CAPZB: variants seen among roughly 807,000 people sequenced by gnomAD.
The protein encoded by CAPZB is F-actin-capping protein subunit beta.
CAPZB carries 2 observed loss-of-function variants against 38.1 expected under a neutral mutation model. That is an observed-to-expected ratio of 0.05 (90% CI 0.02 to 0.17). The LOEUF is 0.17. Among genes scored for constraint, CAPZB ranks in the 10% least tolerant of loss-of-function variants. CAPZB has a pLI of 1.00. For synonymous variants in CAPZB, 107 were observed against 127.4 expected, an observed-to-expected ratio of 0.84 and a Z score of 1.08; for missense variants, 161 against 334.2, an observed-to-expected ratio of 0.48 and a Z score of 4.04.
At chr1:19,474,296 T>C (rs1342754833) in intron 1 of CAPZB, among the ~76,000 whole-genome samples, 1 of 152,068 alleles carries the variant, frequency 6.6e-6, no homozygotes, top group African/African-American at 2.4e-5. Context: ...CACCGGGCCC[T>C]ATTTACAGTA....
At chr1:19,384,812 T>C (rs1343081870) in intron 3 of CAPZB, among the ~76,000 whole-genome samples, 1 of 152,188 alleles carries the variant, frequency 6.6e-6, no homozygotes, top group Admixed American at 6.5e-5. Flanking sequence ...AACTCCTACA[T>C]GCCCTTAAAA....
rs368142191 is a variant in CAPZB, at chr1:19,412,475, G to A, written c.93+7186C>T. On this transcript the variant is annotated intron_variant, in intron 2 of 8. Coordinates refer to ENST00000264202, the MANE Select transcript of CAPZB (RefSeq NM_004930.5). ...TTTTAATTTTTTTCTTACGAGATGG[G>A]GTCTAGTTATGTTGCCCAGGCTGGT... Among the ~76,000 whole-genome samples, 12 of 152,204 alleles carry A rather than the reference G, an allele frequency of 7.9e-5. 1 individual carries two copies. The highest frequency in any genetic ancestry group is 1.3e-4 in the Admixed American group (2 of 15,288).
intron 2 of CAPZB, among the ~76,000 whole-genome samples, chr1:19,393,844 G>C (rs1263311099): frequency 6.6e-6 from 1 of 152,212 alleles, no homozygotes; most frequent in Non-Finnish European, 1.5e-5. Context: ...GGGCCTCGGG[G>C]ACTCCTGGCG....
intron 1 of CAPZB, among the ~76,000 whole-genome samples, chr1:19,454,534 G>C (rs1218633349): frequency 6.6e-6 from 1 of 152,098 alleles, no homozygotes; most frequent in Non-Finnish European, 1.5e-5. Context: ...TTCCTCACTT[G>C]GTCCTTACAA....
intron 4 of CAPZB, among the ~76,000 whole-genome samples, chr1:19,372,882 T>C (rs2094126386): frequency 6.6e-6 from 1 of 152,094 alleles, no homozygotes; most frequent in African/African-American, 2.4e-5. Flanking sequence ...AGCCTAGATG[T>C]TGGGGACCAG....
chr1:19,444,253 T>A (rs558234971), intron 1 of CAPZB, among the ~76,000 whole-genome samples: 1 of 152,180 alleles, frequency 6.6e-6, no homozygotes, highest in South Asian at 2.1e-4. Context: ...CTGGCCTCAA[T>A]CCCTCTCTCT....
chr1:19,383,386 G>A (rs2094186082), intron 3 of CAPZB, among the ~76,000 whole-genome samples: 1 of 149,488 alleles, frequency 6.7e-6, no homozygotes, highest in East Asian at 2.0e-4. Flanking sequence ...GACAGAGGTT[G>A]CAGTGAGCTG....
chr1:19,405,730 A>G (rs2094328222), intron 2 of CAPZB, among the ~76,000 whole-genome samples: 1 of 152,174 alleles, frequency 6.6e-6, no homozygotes, highest in Admixed American at 6.5e-5. Flanking sequence ...TCTCTTCTGC[A>G]TTTGGCTCCA....
chr1:19,418,683 A>T (rs941206556), intron 2 of CAPZB, among the ~76,000 whole-genome samples: 5 of 152,234 alleles, frequency 3.3e-5, no homozygotes, highest in Admixed American at 3.3e-4. Context: ...AAATAGTCGC[A>T]CTACAGACCT....
In CAPZB at chr1:19,384,692, C is replaced by A. The variant is rs181581865; in HGVS notation, c.215+813G>T. 7.2e-4 allele frequency among the ~76,000 whole-genome samples: 110 copies of A among 152,268 alleles called. No individual in the cohort carries two copies. In the East Asian group the frequency reaches 0.016, roughly 22 times the overall value. On this transcript the variant is annotated intron_variant, in intron 3 of 8. Coordinates refer to ENST00000264202, the MANE Select transcript of CAPZB (RefSeq NM_004930.5). ...CCTGGTTCTGTGGTCTCCAAATAAACCTAAAGCAGGCTGTGTTCCTCTACC... is the reference window on the plus strand; with the variant it reads ...CCTGGTTCTGTGGTCTCCAAATAAAACTAAAGCAGGCTGTGTTCCTCTACC...
chr1:19,427,266 C>T (rs2094426265), intron 1 of CAPZB, among the ~76,000 whole-genome samples: 1 of 152,210 alleles, frequency 6.6e-6, no homozygotes, highest in Non-Finnish European at 1.5e-5. Context: ...CAGATTTGTG[C>T]TTAACAGCAT....
In CAPZB at chr1:19,341,570, C is replaced by T. The variant is rs2093929120; in HGVS notation, c.732-1953G>A. ...AGGTCACGGCCAAGCAACCTCGAAT[C>T]AGCGCTTGGAGACAGTGCTCGACTC... is the stretch of plus-strand genomic sequence containing the variant. On this transcript the variant is annotated intron_variant, in intron 8 of 8. Coordinates refer to ENST00000264202, the MANE Select transcript of CAPZB (RefSeq NM_004930.5). 2.0e-5 allele frequency among the ~76,000 whole-genome samples: 3 copies of T among 152,320 alleles called. No homozygotes were observed. The South Asian group carries it at 6.2e-4, about 32-fold the overall frequency.
chr1:19,456,123 GC>G (rs2094532445), intron 1 of CAPZB, among the ~76,000 whole-genome samples: 1 of 152,170 alleles, frequency 6.6e-6, no homozygotes. Context: ...TGTTGGCCAG[GC>G]TGGCCTTGAA....
intron 1 of CAPZB, among the ~76,000 whole-genome samples, chr1:19,462,390 G>A (rs562410368): frequency 5.9e-5 from 9 of 151,996 alleles, no homozygotes; most frequent in South Asian, 4.2e-4. Flanking sequence ...CCTGGGAGGC[G>A]GAGCTTGCAG....
chr1:19,391,800 C>T (rs904416134), intron 2 of CAPZB, among the ~76,000 whole-genome samples: 1 of 152,168 alleles, frequency 6.6e-6, no homozygotes, highest in Non-Finnish European at 1.5e-5. Flanking sequence ...GCTCCAGGCC[C>T]GTGTCAGGTG....
Position 19,466,865 on chromosome 1 carries a change from G to A in CAPZB, c.3+18571C>T, listed in dbSNP as rs184007804. Reference sequence around the variant, plus strand: ...TGATTTTGTAGATGTTTCTGCTTACGAAGAGGCTAGATAGCGGTGTTAGGC... The same window carrying A: ...TGATTTTGTAGATGTTTCTGCTTACAAAGAGGCTAGATAGCGGTGTTAGGC... On this transcript the variant is annotated intron_variant, in intron 1 of 8. Coordinates refer to ENST00000264202, the MANE Select transcript of CAPZB (RefSeq NM_004930.5). 3.4e-4 allele frequency among the ~76,000 whole-genome samples: 51 copies of A among 152,234 alleles called. No individual in the cohort carries two copies. In the East Asian group the frequency reaches 6.0e-3, roughly 18 times the overall value.
At chr1:19,476,062 G>A (rs937356973) in intron 1 of CAPZB, among the ~76,000 whole-genome samples, 8 of 152,282 alleles carry the variant, frequency 5.3e-5, no homozygotes, top group South Asian at 4.1e-4. Context: ...GTGGCTTCAC[G>A]CCCATAATCT....
At chr1:19,431,261 G>A (rs1455250142) in intron 1 of CAPZB, among the ~76,000 whole-genome samples, 1 of 152,152 alleles carries the variant, frequency 6.6e-6, no homozygotes, top group Non-Finnish European at 1.5e-5. Flanking sequence ...TCAGACTTTC[G>A]GATTAGGAAT....
At chr1:19,483,011 C>CT (rs2094635464) in intron 1 of CAPZB, among the ~76,000 whole-genome samples, 1 of 152,204 alleles carries the variant, frequency 6.6e-6, no homozygotes, top group African/African-American at 2.4e-5. Flanking sequence ...CCAAAGAGAA[C>CT]ATTCCAAGTG....
Sources: gnomAD v4.1 joint callset for allele counts (sites outside exome capture counted in the v4.1 genomes callset) on GRCh38, gnomAD v4.1.1 for gene constraint, MANE v1.5 for transcripts, NCBI Gene and HGNC (gene_info 2026-07-23, HGNC 2026-07-21) for gene names.